BMPER: variants seen among roughly 807,000 people sequenced by gnomAD.
BMPER encodes the protein BMP binding endothelial regulator.
In BMPER, 45 loss-of-function variants were observed where a neutral mutation model predicts 87.3. The observed-to-expected ratio is 0.52, with a 90% confidence interval of 0.41 to 0.66. The LOEUF is 0.66. Ranked by LOEUF, BMPER falls within the 30% of genes least tolerant of loss-of-function variation. The pLI is 0.00. For synonymous variants in BMPER, 326 were observed against 316.2 expected (o/e 1.03, Z -0.33); for missense variants, 784 against 867.5 (o/e 0.90, Z 1.21).
At chr7:33,975,863 A>G (rs940659751) in intron 6 of BMPER, among the ~76,000 whole-genome samples, 1 of 152,150 alleles carries the variant, frequency 6.6e-6, no homozygotes, top group Non-Finnish European at 1.5e-5. Context: ...CTCAGCACAC[A>G]TGCACCCAAC....
Position 34,156,011 on chromosome 7 carries a change from A to C in BMPER, c.*2738A>C, listed in dbSNP as rs1297210621. ...GAATATTTGAGGGTCCTGACCTAAA[A>C]TTTTTTAGCTGGGAAGAAAAGATAT... On this transcript the variant is annotated 3_prime_UTR_variant, in exon 15 of 15. Transcript: ENST00000649409. 1 of 152,264 alleles carries C rather than the reference A, an allele frequency of 6.6e-6. No homozygotes were observed. Among genetic ancestry groups the C allele is most frequent in the South Asian group, 2.1e-4 (1 of 4,818 alleles). The allele number at this position is 152,264 out of a possible 1,614,324, so 9.4% of individuals were successfully genotyped here. A position where few individuals can be genotyped will look rare whatever the true frequency, so the allele number is the denominator to read the frequency against.
chr7:33,977,200 G>A (rs566811014), intron 6 of BMPER, among the ~76,000 whole-genome samples: 17 of 152,168 alleles, frequency 1.1e-4, no homozygotes, highest in South Asian at 8.3e-4. Flanking sequence ...TGAGGTGTAA[G>A]CTTTTTTGTA....
chr7:34,048,340 C>T (rs1788045840), intron 7 of BMPER, among the ~76,000 whole-genome samples: 1 of 152,078 alleles, frequency 6.6e-6, no homozygotes, highest in Admixed American at 6.6e-5. Flanking sequence ...AACACACATA[C>T]ACCTGCTACA....
At chr7:34,080,246 T>C (rs1788977712) in intron 12 of BMPER, among the ~76,000 whole-genome samples, 1 of 152,214 alleles carries the variant, frequency 6.6e-6, no homozygotes, top group Non-Finnish European at 1.5e-5. Context: ...CAGGCACTTT[T>C]CAGGGGCTAT....
At position 33,937,393 on chromosome 7, in the gene BMPER, T is replaced by C; in HGVS notation, c.319+5T>C. On this transcript the variant is annotated splice_donor_5th_base_variant and intron_variant, in intron 3 of 14. Transcript: ENST00000649409. ...CCTGTTGTGAACAGTGCAAAGGTGA[T>C]TGATGTCTTGGCCGTCTTCTCTTCT... is the stretch of plus-strand genomic sequence containing the variant. 6.2e-7 allele frequency: 1 copy of C among 1,613,334 alleles called. No homozygotes were observed. The highest frequency in any genetic ancestry group is 8.5e-7 in the Non-Finnish European group (1 of 1,179,242).
At chr7:34,018,850 A>G (rs1028284459) in intron 6 of BMPER, among the ~76,000 whole-genome samples, 1 of 152,024 alleles carries the variant, frequency 6.6e-6, no homozygotes, top group Admixed American at 6.6e-5. Context: ...AATAAAAGAA[A>G]AAAAGTGTGG....
intron 6 of BMPER, among the ~76,000 whole-genome samples, chr7:33,999,332 A>G (rs1786514128): frequency 6.6e-6 from 1 of 152,240 alleles, no homozygotes; most frequent in Admixed American, 6.5e-5. Context: ...AAAAATGGTA[A>G]GGTAGCTTTG....
intron 12 of BMPER, among the ~76,000 whole-genome samples, chr7:34,084,051 C>A (rs1318141455): frequency 6.6e-6 from 1 of 150,910 alleles, no homozygotes; most frequent in Non-Finnish European, 1.5e-5. Context: ...CGCCTGTAAT[C>A]CCAGTGTTTC....
intron 13 of BMPER, among the ~76,000 whole-genome samples, chr7:34,108,847 G>A (rs1425851380): frequency 6.6e-6 from 1 of 152,110 alleles, no homozygotes; most frequent in African/African-American, 2.4e-5. Context: ...ATATTACATA[G>A]GTCTAATTTT....
chr7:34,142,685 A>G (rs956863341), intron 13 of BMPER, among the ~76,000 whole-genome samples: 1 of 152,200 alleles, frequency 6.6e-6, no homozygotes, highest in Non-Finnish European at 1.5e-5. Context: ...GATATTACAG[A>G]AGTGAATTCT....
intron 13 of BMPER, among the ~76,000 whole-genome samples, chr7:34,134,444 G>A (rs12540602): frequency 0.56 from 84,399 of 151,898 alleles, 24,343 homozygotes; most frequent in East Asian, 0.8. Flanking sequence ...AAGATTTGCC[G>A]GGCTCTGCTA....
intron 13 of BMPER, among the ~76,000 whole-genome samples, chr7:34,086,301 A>G (rs1789208271): frequency 6.6e-6 from 1 of 152,176 alleles, no homozygotes; most frequent in Admixed American, 6.5e-5. Context: ...TTTCAGAGCG[A>G]TGTCCTCCAG....
At position 34,085,969 on chromosome 7, in the gene BMPER, C is replaced by A; in HGVS notation, c.1622C>A (p.Pro541Gln). 1 of 1,614,062 alleles carries A rather than the reference C, an allele frequency of 6.2e-7. No individual in the cohort carries two copies. The highest frequency in any genetic ancestry group is 8.5e-7 in the Non-Finnish European group (1 of 1,180,016). ...NEFCNRPQRK[P>Q]VPELCQGTVK... Reference sequence around the variant, plus strand: ...TTCTGCAACAGACCTCAGAGAAAGCCAGTGCCTGAACTGTGTCAAGGGACA... The same window carrying A: ...TTCTGCAACAGACCTCAGAGAAAGCAAGTGCCTGAACTGTGTCAAGGGACA... The change falls in exon 13 of 15, where the codon CCA becomes CAA. Residue 541 changes from proline (P) to glutamine (Q), a missense_variant. Coordinates refer to ENST00000649409, the MANE Select transcript of BMPER (RefSeq NM_001365308.1).
At chr7:34,020,890 A>G (rs1430720784) in intron 6 of BMPER, among the ~76,000 whole-genome samples, 1 of 149,934 alleles carries the variant, frequency 6.7e-6, no homozygotes, top group African/African-American at 2.5e-5. Flanking sequence ...ACACACACAC[A>G]CGCACGCACA....
intron 11 of BMPER, among the ~76,000 whole-genome samples, chr7:34,063,328 A>AT (rs1474904473): frequency 1.3e-5 from 2 of 151,754 alleles, no homozygotes; most frequent in Non-Finnish European, 2.9e-5. Flanking sequence ...AGACTCTGTT[A>AT]TTTTTTTAAT....
chr7:34,128,837 G>A (rs950783209), intron 13 of BMPER, among the ~76,000 whole-genome samples: 9 of 152,232 alleles, frequency 5.9e-5, no homozygotes, highest in Non-Finnish European at 1.3e-4. Flanking sequence ...AAAAGCTACC[G>A]AGCTCCTATC....
chr7:33,958,107 T>C (rs555766067), intron 3 of BMPER, among the ~76,000 whole-genome samples: 25 of 152,278 alleles, frequency 1.6e-4, no homozygotes, highest in African/African-American at 6.0e-4. Context: ...CTTATTTTCT[T>C]AGGCTGCTAC....
chr7:33,955,951 A>T (rs922774024), intron 3 of BMPER, among the ~76,000 whole-genome samples: 2 of 152,146 alleles, frequency 1.3e-5, no homozygotes, highest in Non-Finnish European at 2.9e-5. Flanking sequence ...TGCCAAAACA[A>T]TGTGATGGAA....
intron 6 of BMPER, among the ~76,000 whole-genome samples, chr7:33,996,300 A>C (rs958572354): frequency 4.6e-5 from 7 of 152,164 alleles, no homozygotes; most frequent in African/African-American, 1.7e-4. Flanking sequence ...GCTAGCCAGC[A>C]TCTACTAGGT....
Sources: gnomAD v4.1 joint callset for allele counts (sites outside exome capture counted in the v4.1 genomes callset) on GRCh38, gnomAD v4.1.1 for gene constraint, MANE v1.5 for transcripts, NCBI Gene and HGNC (gene_info 2026-07-23, HGNC 2026-07-21) for gene names.